MYO5B: variants seen among roughly 807,000 people sequenced by gnomAD.
MYO5B encodes myosin VB.
Under a neutral mutation model 229.3 loss-of-function variants are expected in MYO5B, and 143 were observed. That is an observed-to-expected ratio of 0.62 (90% CI 0.54 to 0.72). MYO5B has a LOEUF of 0.72. MYO5B is among the 30% of genes least tolerant of loss of function. The pLI, the probability that MYO5B is intolerant of heterozygous loss-of-function variation, is 0.00. For synonymous variants in MYO5B, 918 were observed against 885.2 expected (o/e 1.04, Z -0.66); for missense variants, 2,321 against 2,331.0 (o/e 1.00, Z 0.09).
intron 1 of MYO5B, among the ~76,000 whole-genome samples, chr18:50,133,846 C>CA (rs1327375823): frequency 9.3e-5 from 14 of 150,834 alleles, no homozygotes; most frequent in East Asian, 1.9e-4. Flanking sequence ...CATATGGCCA[C>CA]AAAAAAAAGG....
At chr18:50,087,588 A>G (rs1464311917) in intron 1 of MYO5B, among the ~76,000 whole-genome samples, 1 of 151,240 alleles carries the variant, frequency 6.6e-6, no homozygotes, top group Non-Finnish European at 1.5e-5. Context: ...AAAAAAAAAA[A>G]AGAATAAAAA....
rs1568622949 is a variant in MYO5B at position 49,878,964 on chromosome 18, TC to T, written c.3256del (p.Asp1086MetfsTer3). On this transcript the variant is annotated frameshift_variant, in exon 24 of 40. Transcript: ENST00000285039. LOFTEE classifies it high-confidence loss of function. ...CCTTGCCTTTATGATGGTCATTTCA[TC>T]CCGAAGGTTGTCGTATCTCTGCTCC... ...QLEQRYDNLR[D>X]EMTIIKQTPG... 1.2e-6 allele frequency: 2 copies of T among 1,614,170 alleles called. No homozygotes were observed.
intron 12 of MYO5B, among the ~76,000 whole-genome samples, chr18:49,956,318 C>G (rs2025492321): frequency 6.6e-6 from 1 of 152,176 alleles, no homozygotes; most frequent in African/African-American, 2.4e-5. Context: ...TGTTTGTAAA[C>G]ATTTTAGAGA....
intron 39 of MYO5B, among the ~76,000 whole-genome samples, chr18:49,832,924 C>T (rs759235775): frequency 6.6e-5 from 10 of 152,114 alleles, no homozygotes; most frequent in Non-Finnish European, 1.3e-4. Flanking sequence ...ACACAGCCCA[C>T]TCTGAGGTTT....
At chr18:49,936,438 T>G in intron 15 of MYO5B, 89 bp from the exon 16 acceptor site, 1 of 910,450 alleles carries the variant, frequency 1.1e-6, no homozygotes, top group Non-Finnish European at 1.8e-6. Context: ...GCGGTAGTTA[T>G]TGTTACTATT....
chr18:49,828,477 G>T (rs756899205), intron 39 of MYO5B, among the ~76,000 whole-genome samples: 1 of 152,218 alleles, frequency 6.6e-6, no homozygotes, highest in Admixed American at 6.5e-5. Context: ...TAGTTCTACA[G>T]TAATGGTTGG....
intron 3 of MYO5B, 60 bp downstream of exon 3, chr18:50,040,083 C>T (rs1249177754): frequency 1.2e-5 from 19 of 1,557,160 alleles, no homozygotes; most frequent in Non-Finnish European, 1.7e-5. Context: ...TTGAGTTGAG[C>T]AAGTCTAAAG....
At chr18:50,194,189 C>A (rs1276712898) in intron 1 of MYO5B, among the ~76,000 whole-genome samples, 1 of 152,248 alleles carries the variant, frequency 6.6e-6, no homozygotes, top group Non-Finnish European at 1.5e-5. Context: ...CTCCATCCAG[C>A]CGCCGCGCCC....
intron 4 of MYO5B, among the ~76,000 whole-genome samples, chr18:50,022,853 T>C (rs1474085785): frequency 6.6e-6 from 1 of 152,036 alleles, no homozygotes; most frequent in Admixed American, 6.6e-5. Context: ...ACCTCCTAGG[T>C]TCTAGGACAG....
At chr18:50,130,459 A>G (rs551341707) in intron 1 of MYO5B, among the ~76,000 whole-genome samples, 7 of 152,258 alleles carry the variant, frequency 4.6e-5, no homozygotes, top group Middle Eastern at 3.4e-3. Flanking sequence ...TCTGGAGGTT[A>G]CCCTGAGATG....
At chr18:49,849,300 G>A (rs547233744) in intron 32 of MYO5B, among the ~76,000 whole-genome samples, 4 of 152,242 alleles carry the variant, frequency 2.6e-5, no homozygotes, top group African/African-American at 9.6e-5. Context: ...GTCACCTCTG[G>A]GTTCCCCATT....
chr18:49,874,260 A>G (rs991734853), intron 26 of MYO5B, among the ~76,000 whole-genome samples: 1 of 152,278 alleles, frequency 6.6e-6, no homozygotes. Context: ...TTTGGTATCC[A>G]GAGAAGTTCT....
chr18:50,182,158 G>A (rs1406634498), intron 1 of MYO5B, among the ~76,000 whole-genome samples: 1 of 152,180 alleles, frequency 6.6e-6, no homozygotes, highest in Non-Finnish European at 1.5e-5. Flanking sequence ...ACGAAAGATG[G>A]TCTGAACCTT....
chr18:50,022,471 A>C (rs2026286666), intron 4 of MYO5B, among the ~76,000 whole-genome samples: 1 of 152,182 alleles, frequency 6.6e-6, no homozygotes, highest in Non-Finnish European at 1.5e-5. Flanking sequence ...TCCTCAACTC[A>C]AGGCATTAAT....
rs114889628 is a variant in MYO5B, at chr18:50,156,507, G to A, written c.27+38260C>T. On this transcript the variant is annotated intron_variant, in intron 1 of 39. Coordinates refer to ENST00000285039, the MANE Select transcript of MYO5B (RefSeq NM_001080467.3). ...TTCCTGCCATTATGTGACAAAGCAC[G>A]TGTTTGCTTCCCCTTCAGCCATGAT... 4.2e-3 allele frequency among the ~76,000 whole-genome samples: 640 copies of A among 152,254 alleles called. 5 individuals carry two copies. Among genetic ancestry groups the A allele is most frequent in the African/African-American group, 0.015 (609 of 41,530 alleles).
intron 26 of MYO5B, among the ~76,000 whole-genome samples, chr18:49,872,876 ATCCAGT>A (rs2024472367): frequency 6.6e-6 from 1 of 152,226 alleles, no homozygotes; most frequent in Non-Finnish European, 1.5e-5. Flanking sequence ...TTGTTTTGTC[ATCCAGT>A]TTGTGGTGTT....
At chr18:49,957,938 C>G (rs189693628) in intron 12 of MYO5B, among the ~76,000 whole-genome samples, 216 of 152,282 alleles carry the variant, frequency 1.4e-3, no homozygotes, top group African/African-American at 3.7e-3. Flanking sequence ...TGGCCCCCCC[C>G]AGGACTCTGC....
Position 50,123,662 on chromosome 18 carries a change from G to A in MYO5B, c.28-68284C>T, listed in dbSNP as rs575087710. On this transcript the variant is annotated intron_variant, in intron 1 of 39. Transcript: ENST00000285039. ...GTCAAGGCTGCAGTAAGCCATGATC[G>A]TACCACTGCACTCCAGGCCTGGGTG... Among the ~76,000 whole-genome samples, 4 of 152,254 alleles carry A rather than the reference G, an allele frequency of 2.6e-5. No homozygotes were observed. In the South Asian group the frequency reaches 6.2e-4, roughly 24 times the overall value.
intron 14 of MYO5B, among the ~76,000 whole-genome samples, chr18:49,952,209 C>T (rs2025437861): frequency 6.6e-6 from 1 of 152,194 alleles, no homozygotes; most frequent in Admixed American, 6.5e-5. Context: ...TCTATCATCT[C>T]ATCCTATTGC....
Sources: allele counts gnomAD v4.1 joint callset (sites outside exome capture counted in the v4.1 genomes callset), GRCh38; gene constraint gnomAD v4.1.1; transcripts MANE v1.5; gene names NCBI Gene and HGNC (gene_info 2026-07-23, HGNC 2026-07-21).